Variants in KCNIP4 observed in about 807,000 individuals in gnomAD.
KCNIP4 encodes Kv channel-interacting protein 4.
Under a neutral mutation model 34.0 loss-of-function variants are expected in KCNIP4, and 12 were observed. The ratio of observed to expected loss-of-function variants is 0.35; its 90% CI spans 0.23 to 0.57. The LOEUF (loss-of-function observed/expected upper bound fraction) is 0.57, where lower values mean the gene tolerates loss of function less well. Ranked by LOEUF, KCNIP4 falls within the 20% of genes least tolerant of loss-of-function variation. KCNIP4 has a pLI of 0.83. For missense variants in KCNIP4, 238 were observed against 311.7 expected, an observed-to-expected ratio of 0.76 and a Z score of 1.78; for synonymous variants, 124 against 102.2, an observed-to-expected ratio of 1.21 and a Z score of -1.29.
At chr4:21,665,184 G>A (rs1748749912) in intron 1 of KCNIP4, among the ~76,000 whole-genome samples, 1 of 152,122 alleles carries the variant, frequency 6.6e-6, no homozygotes, top group Admixed American at 6.5e-5. Flanking sequence ...CCTCTGATTA[G>A]CCAGCATACC....
At chr4:21,422,156 C>A (rs1466958657) in intron 1 of KCNIP4, among the ~76,000 whole-genome samples, 2 of 151,508 alleles carry the variant, frequency 1.3e-5, no homozygotes, top group African/African-American at 4.8e-5. Flanking sequence ...GCCGAAATTA[C>A]AGACAGAAGT....
intron 1 of KCNIP4, among the ~76,000 whole-genome samples, chr4:21,367,007 C>T (rs1042871717): frequency 6.6e-6 from 1 of 152,026 alleles, no homozygotes; most frequent in African/African-American, 2.4e-5. Flanking sequence ...TTTAAAAAGG[C>T]TTGAGGGAGT....
intron 5 of KCNIP4, among the ~76,000 whole-genome samples, chr4:20,735,784 C>T (rs1360975172): frequency 2.0e-5 from 3 of 152,038 alleles, no homozygotes; most frequent in South Asian, 2.1e-4. Context: ...ATCTGCCCAC[C>T]GCCGCCTCTC....
chr4:21,435,532 A>T (rs1049863735), intron 1 of KCNIP4, among the ~76,000 whole-genome samples: 4 of 152,210 alleles, frequency 2.6e-5, no homozygotes, highest in Non-Finnish European at 4.4e-5. Flanking sequence ...ATGATTAACA[A>T]TATCAATAAC....
chr4:20,821,985 C>T (rs187935058), intron 3 of KCNIP4, among the ~76,000 whole-genome samples: 139 of 151,684 alleles, frequency 9.2e-4, no homozygotes, highest in Middle Eastern at 3.4e-3. Flanking sequence ...TATAAACATG[C>T]GTGTGCATGT....
intron 1 of KCNIP4, among the ~76,000 whole-genome samples, chr4:21,704,878 G>A (rs1478596076): frequency 6.6e-6 from 1 of 151,994 alleles, no homozygotes; most frequent in Admixed American, 6.6e-5. Flanking sequence ...TTATCCCAGA[G>A]AAATAAAAAT....
intron 1 of KCNIP4, among the ~76,000 whole-genome samples, chr4:21,212,645 T>A (rs1219183481): frequency 1.3e-5 from 2 of 152,292 alleles, no homozygotes; most frequent in Non-Finnish European, 2.9e-5. Flanking sequence ...ATATGGCATC[T>A]GGTGAGGGCC....
intron 1 of KCNIP4, among the ~76,000 whole-genome samples, chr4:21,620,227 G>A (rs1340801637): frequency 2.6e-5 from 4 of 152,178 alleles, no homozygotes; most frequent in Non-Finnish European, 4.4e-5. Context: ...TTGTGGCCAG[G>A]CGTGGTGGCT....
chr4:21,623,387 C>G (rs750928439), intron 1 of KCNIP4, among the ~76,000 whole-genome samples: 8 of 152,112 alleles, frequency 5.3e-5, no homozygotes, highest in Non-Finnish European at 8.8e-5. Context: ...CCGTATTCAT[C>G]TTGGCATTCA....
At chr4:21,763,404 C>T (rs538078849) in intron 1 of KCNIP4, among the ~76,000 whole-genome samples, 11 of 152,258 alleles carry the variant, frequency 7.2e-5, no homozygotes, top group Non-Finnish European at 1.0e-4. Context: ...AAGGTTTAAT[C>T]ATTCCTTTCT....
rs77994043 is a variant in KCNIP4, at chr4:20,795,923, C to G, written c.289-37033G>C. ...ACATTACAGAAGAAATTGTATCAGT[C>G]TTTAACATCTTATCCATAAATAATG... On this transcript the variant is annotated intron_variant, in intron 3 of 8. Transcript: ENST00000382152. Among the ~76,000 whole-genome samples, 1,232 of 152,220 alleles carry G rather than the reference C, an allele frequency of 8.1e-3. 18 individuals are homozygous for G. Among genetic ancestry groups the G allele is most frequent in the African/African-American group, 0.028 (1,176 of 41,538 alleles).
At chr4:21,133,016 A>G (rs879921997) in intron 1 of KCNIP4, among the ~76,000 whole-genome samples, 70 of 50,646 alleles carry the variant, frequency 1.4e-3, no homozygotes, top group Non-Finnish European at 2.5e-3. Context: ...CCATCTCAGA[A>G]AAAAAAAAAA....
chr4:20,756,515 C>G (rs13110433), intron 4 of KCNIP4, among the ~76,000 whole-genome samples: 174 of 152,222 alleles, frequency 1.1e-3, no homozygotes, highest in Non-Finnish European at 2.1e-3. Context: ...TGGTATCTAC[C>G]CAGCACTATG....
chr4:21,055,232 T>G (rs976382517), intron 1 of KCNIP4, among the ~76,000 whole-genome samples: 3 of 152,180 alleles, frequency 2.0e-5, no homozygotes, highest in Non-Finnish European at 4.4e-5. Flanking sequence ...ACTAGAAATG[T>G]ATTTGAATTG....
chr4:21,079,492 C>A (rs1222191938), intron 1 of KCNIP4, among the ~76,000 whole-genome samples: 2 of 149,914 alleles, frequency 1.3e-5, no homozygotes, highest in South Asian at 2.1e-4. Flanking sequence ...ACAAACTGCC[C>A]CACTTCTCAT....
At chr4:21,345,260 C>A (rs916778854) in intron 1 of KCNIP4, among the ~76,000 whole-genome samples, 1 of 152,114 alleles carries the variant, frequency 6.6e-6, no homozygotes, top group Non-Finnish European at 1.5e-5. Flanking sequence ...GAACTGGGGT[C>A]GGTCCACAAC....
chr4:21,904,749 G>T (rs939633720), intron 1 of KCNIP4, among the ~76,000 whole-genome samples: 1 of 152,060 alleles, frequency 6.6e-6, no homozygotes, highest in Non-Finnish European at 1.5e-5. Flanking sequence ...GTGGTAGGGG[G>T]TTGTCTTGAC....
chr4:21,730,648 G>A (rs1715523027), intron 1 of KCNIP4, among the ~76,000 whole-genome samples: 1 of 152,156 alleles, frequency 6.6e-6, no homozygotes, highest in Admixed American at 6.6e-5. Context: ...TGGGTAAAGG[G>A]GATGTAGGAG....
chr4:21,320,813 A>G (rs1472534205), intron 1 of KCNIP4, among the ~76,000 whole-genome samples: 1 of 152,234 alleles, frequency 6.6e-6, no homozygotes, highest in East Asian at 1.9e-4. Flanking sequence ...TCTACTAAAA[A>G]GACAAAAATT....
Sources: allele counts gnomAD v4.1 joint callset (sites outside exome capture counted in the v4.1 genomes callset), GRCh38; gene constraint gnomAD v4.1.1; transcripts MANE v1.5; gene names NCBI Gene and HGNC (gene_info 2026-07-23, HGNC 2026-07-21).